The following CRTAC1 variants were observed in gnomAD, a reference collection of about 807,000 sequenced individuals.
CRTAC1 encodes cartilage acidic protein 1.
A neutral mutation model predicts 67.8 loss-of-function variants in CRTAC1; 37 were observed. The observed-to-expected ratio is 0.55, with a 90% CI of 0.42 to 0.72. The LOEUF (loss-of-function observed/expected upper bound fraction) is 0.72. CRTAC1 is among the 30% of genes least tolerant of loss of function. CRTAC1 has a pLI of 0.00. For missense variants in CRTAC1, 780 were observed against 931.6 expected (o/e 0.84, Z 2.12); for synonymous variants, 348 against 371.0 (o/e 0.94, Z 0.71).
At chr10:97,917,807 G>T in intron 4 of CRTAC1, 151 bp from the exon 5 acceptor site, 1 of 490,724 alleles carries the variant, frequency 2.0e-6, no homozygotes, top group Non-Finnish European at 3.4e-6. Flanking sequence ...GGCTGTGCAT[G>T]GCGCATTTCC....
intron 3 of CRTAC1, among the ~76,000 whole-genome samples, chr10:97,934,150 C>T (rs560031264): frequency 1.1e-4 from 16 of 152,302 alleles, no homozygotes; most frequent in Admixed American, 4.6e-4. Context: ...AAGTTCTCCT[C>T]GCTCCAGCTT....
Position 97,895,227 on chromosome 10 carries a change from C to A in CRTAC1, c.1486+18G>T. On this transcript the variant is annotated intron_variant, in intron 11 of 14. Transcript: ENST00000370597. This position sits in a 1 kb window ranked among gnomAD's most constrained non-coding sequence, Gnocchi z 4.2. ...ATCCTGATAACAGCTCACTGTCCCC[C>A]ACCGGACCCCGACTCACCCAGGCCA... is the stretch of plus-strand genomic sequence containing the variant. 1 of 1,604,980 alleles carries A rather than the reference C, an allele frequency of 6.2e-7. No homozygotes were observed. Among genetic ancestry groups the A allele is most frequent in the Non-Finnish European group, 8.5e-7 (1 of 1,179,356 alleles).
chr10:97,990,074 C>T (rs539401398), intron 2 of CRTAC1, among the ~76,000 whole-genome samples: 4 of 152,280 alleles, frequency 2.6e-5, no homozygotes, highest in East Asian at 1.9e-4. Flanking sequence ...TCAGGTGTGA[C>T]GATACCTTTT....
At chr10:98,027,961 T>C (rs745432164) in intron 1 of CRTAC1, among the ~76,000 whole-genome samples, 34 of 152,222 alleles carry the variant, frequency 2.2e-4, no homozygotes, top group Non-Finnish European at 3.4e-4. Flanking sequence ...GCTTCAGTTT[T>C]CTCATCTGTA....
chr10:98,007,832 AC>A (rs1195605187), intron 2 of CRTAC1, among the ~76,000 whole-genome samples: 2 of 152,208 alleles, frequency 1.3e-5, no homozygotes, highest in Non-Finnish European at 2.9e-5. Flanking sequence ...GTCTAGCTTC[AC>A]TAGCACAGAG....
At chr10:97,965,480 T>C (rs1306566238) in intron 2 of CRTAC1, among the ~76,000 whole-genome samples, 1 of 152,222 alleles carries the variant, frequency 6.6e-6, no homozygotes. Context: ...CAGATGTACT[T>C]GAATACTCCC....
intron 5 of CRTAC1, among the ~76,000 whole-genome samples, chr10:97,911,338 C>T (rs559396883): frequency 6.6e-6 from 1 of 152,358 alleles, no homozygotes; most frequent in South Asian, 2.1e-4. Context: ...CTAAATCTTT[C>T]TAATTAACTA....
At chr10:98,013,243 G>A (rs1842940804) in intron 1 of CRTAC1, among the ~76,000 whole-genome samples, 1 of 152,106 alleles carries the variant, frequency 6.6e-6, no homozygotes, top group African/African-American at 2.4e-5. Flanking sequence ...AATGGGCATG[G>A]AAGAGAAAAG....
intron 2 of CRTAC1, among the ~76,000 whole-genome samples, chr10:97,991,615 G>C (rs1842458665): frequency 6.6e-6 from 1 of 152,116 alleles, no homozygotes; most frequent in Non-Finnish European, 1.5e-5. Context: ...CCTAGTATGT[G>C]TCAGGTGCTG....
chr10:97,898,510 CTTG>C (rs1026138632), intron 8 of CRTAC1, among the ~76,000 whole-genome samples: 3 of 152,212 alleles, frequency 2.0e-5, no homozygotes, highest in Admixed American at 6.5e-5. Flanking sequence ...CTGAAGAAAG[CTTG>C]TTGTGCCTGC....
At chr10:97,879,450 C>T (rs1381033791) in intron 14 of CRTAC1, among the ~76,000 whole-genome samples, 2 of 152,176 alleles carry the variant, frequency 1.3e-5, no homozygotes, top group Non-Finnish European at 2.9e-5. Context: ...GTATTGGAGA[C>T]TTTCCTTTCT....
intron 13 of CRTAC1, among the ~76,000 whole-genome samples, chr10:97,882,039 T>C (rs2050221607): frequency 1.3e-5 from 2 of 152,202 alleles, no homozygotes; most frequent in Admixed American, 6.5e-5. Flanking sequence ...GGTTTTCAGC[T>C]CCTGAGAGTG....
intron 2 of CRTAC1, among the ~76,000 whole-genome samples, chr10:98,008,673 T>G (rs747729544): frequency 6.6e-6 from 1 of 152,024 alleles, no homozygotes; most frequent in Non-Finnish European, 1.5e-5. Flanking sequence ...GAGAAGAAAA[T>G]AGGGTGAAGA....
intron 1 of CRTAC1, among the ~76,000 whole-genome samples, chr10:98,018,247 G>C (rs1481086554): frequency 7.4e-6 from 1 of 134,438 alleles, no homozygotes; most frequent in African/African-American, 2.8e-5. Context: ...GAGAGAGAGA[G>C]ACCAACATTG....
intron 2 of CRTAC1, among the ~76,000 whole-genome samples, chr10:97,942,054 C>T (rs948760966): frequency 2.6e-5 from 4 of 152,226 alleles, no homozygotes; most frequent in African/African-American, 9.6e-5. Flanking sequence ...CATTCCCCGC[C>T]TGTTTGGTCC....
At position 97,920,664 on chromosome 10, in the gene CRTAC1, G is replaced by C. The variant is rs565040247; in HGVS notation, c.558+2600C>G. ...CACTGGTCCAGGGCCATTAGCCCGG[G>C]TCCTAGTCTAGGGCCTGCCCCTAAC... is the stretch of plus-strand genomic sequence containing the variant. On this transcript the variant is annotated intron_variant, in intron 4 of 14. Coordinates refer to ENST00000370597, the MANE Select transcript of CRTAC1 (RefSeq NM_018058.7). Among the ~76,000 whole-genome samples the C allele has an allele frequency of 2.2e-4, 33 of 152,308 alleles. No individual in the cohort carries two copies. In the East Asian group the frequency reaches 6.4e-3, roughly 29 times the overall value.
At chr10:97,937,345 C>A (rs78239213) in intron 2 of CRTAC1, among the ~76,000 whole-genome samples, 2,280 of 152,226 alleles carry the variant, frequency 0.015, 66 homozygotes, top group African/African-American at 0.051. Context: ...GGCTTGCCTG[C>A]CCATGCTCCC....
At chr10:97,875,433 T>C (rs2050136077) in intron 14 of CRTAC1, among the ~76,000 whole-genome samples, 1 of 152,246 alleles carries the variant, frequency 6.6e-6, no homozygotes, top group Admixed American at 6.5e-5. Context: ...CTGTCAACAG[T>C]AGTTCCTTAG....
chr10:97,920,993 A>AGG (rs2050828705), intron 4 of CRTAC1, among the ~76,000 whole-genome samples: 1 of 151,960 alleles, frequency 6.6e-6, no homozygotes, highest in Non-Finnish European at 1.5e-5. Flanking sequence ...AGAATGAGTG[A>AGG]GGGGTGGAAG....
Sources: allele counts gnomAD v4.1 joint callset (sites outside exome capture counted in the v4.1 genomes callset), GRCh38; gene constraint gnomAD v4.1.1; non-coding constraint Gnocchi (gnomAD v3.1); transcripts MANE v1.5; gene names NCBI Gene and HGNC (gene_info 2026-07-23, HGNC 2026-07-21).